The following RHBDF2 variants were observed in gnomAD, a reference collection of about 807,000 sequenced individuals.
The protein encoded by RHBDF2 is rhomboid 5 homolog 2.
RHBDF2 carries 38 observed loss-of-function variants against 95.2 expected under a neutral mutation model. The ratio of observed to expected loss-of-function variants is 0.40; its 90% CI spans 0.31 to 0.52. The LOEUF (loss-of-function observed/expected upper bound fraction) is 0.52, where lower values mean the gene tolerates loss of function less well. RHBDF2 is among the 20% of genes least tolerant of loss of function. RHBDF2 has a pLI of 0.56. For synonymous variants in RHBDF2, 442 were observed against 462.0 expected (o/e 0.96, Z 0.55); for missense variants, 863 against 1,137.7 (o/e 0.76, Z 3.47).
chr17:76,473,616 G>T, intron 15 of RHBDF2, 32 bp downstream of exon 15: 1 of 1,559,094 alleles, frequency 6.4e-7, no homozygotes, highest in Non-Finnish European at 8.7e-7. Context: ...GGGGGCAGTG[G>T]GATGGCTGAG....
intron 11 of RHBDF2, 60 bp from the exon 12 acceptor site, chr17:76,474,594 A>G: frequency 6.2e-7 from 1 of 1,610,642 alleles, no homozygotes; most frequent in East Asian, 2.2e-5. Flanking sequence ...GGAGGGGTCC[A>G]TCACTCCACC....
rs1349661733 is a variant in RHBDF2, at chr17:76,471,610, G to A, written c.*23C>T. 1.3e-6 allele frequency: 2 copies of A among 1,561,746 alleles called. No individual in the cohort carries two copies. The stretch of plus-strand genomic sequence containing the variant: ...GCAGACCCTGTTCCAGCAGGGCTGA[G>A]GGGCAGCCGTGTGGCCCAGCGGTCA... On this transcript the variant is annotated 3_prime_UTR_variant, in exon 19 of 19. Coordinates refer to ENST00000675367, the MANE Select transcript of RHBDF2 (RefSeq NM_001005498.4).
At chr17:76,492,957 T>C (rs1338250542) in intron 1 of RHBDF2, 3 of 152,102 alleles carry the variant, frequency 2.0e-5, no homozygotes, top group East Asian at 3.9e-4. Flanking sequence ...GACCAGGAAG[T>C]TTAGGGGGCT....
chr17:76,498,709 G>A lies in RHBDF2; in HGVS notation c.-220+2644C>T, dbSNP rs115606989. On this transcript the variant is annotated intron_variant, in intron 1 of 18. Transcript: ENST00000675367. ...AGAGCAGGACTCGGGCCCCAAGTGC[G>A]TCACCCAAAGCATTTGTAGTGTGAT... is the stretch of plus-strand genomic sequence containing the variant. Among the ~76,000 whole-genome samples, 725 of 152,204 alleles carry A rather than the reference G, an allele frequency of 4.8e-3. 4 individuals are homozygous for A. Among genetic ancestry groups the A allele is most frequent in the African/African-American group, 0.014 (594 of 41,510 alleles).
At chr17:76,484,844 G>T (rs755475942) in intron 2 of RHBDF2, among the ~76,000 whole-genome samples, 1 of 152,174 alleles carries the variant, frequency 6.6e-6, no homozygotes, top group Non-Finnish European at 1.5e-5. Context: ...CAATGGAGCC[G>T]GCAGCGCATA....
rs2073548450 is a variant in RHBDF2, at chr17:76,471,255, T to A, written c.*378A>T. 1.3e-5 allele frequency: 3 copies of A among 225,826 alleles called. No homozygotes were observed. In the South Asian group the frequency reaches 2.4e-4, roughly 18 times the overall value. 14.0% of individuals were successfully genotyped at this position (225,826 alleles called of 1,614,324 possible). ...AGCCACGTCCCCAGCAAGGGCACGC[T>A]CCAGTAGTAGTGGGGGAGAAGGCAC... On this transcript the variant is annotated 3_prime_UTR_variant, in exon 19 of 19. Coordinates refer to ENST00000675367, the MANE Select transcript of RHBDF2 (RefSeq NM_001005498.4).
At position 76,479,097 on chromosome 17, in the gene RHBDF2, G is replaced by C; in HGVS notation, c.453C>G (p.Pro151=). Residue 151 remains proline, a synonymous_variant, in exon 5 of 19, where the codon CCC becomes CCG. Transcript: ENST00000675367. ...PSFQGTESPK[P]CKMPKIVDPL... ...TGGATCCCACCTTGGGCATCTTGCA[G>C]GGCTTTGGGGACTCAGTGCCCTGGA... The C allele has an allele frequency of 6.2e-7, 1 of 1,613,624 alleles. No homozygotes were observed. Among genetic ancestry groups the C allele is most frequent in the Non-Finnish European group, 8.5e-7 (1 of 1,179,928 alleles).
rs1265644523 is a variant in RHBDF2 at position 76,478,797 on chromosome 17, G to A, written c.672+9C>T. The A allele has an allele frequency of 2.5e-6, 4 of 1,607,620 alleles. No homozygotes were observed. The highest frequency in any genetic ancestry group is 3.4e-5 in the Admixed American group (2 of 59,390). ...AGAGGTGGGGGCCCTGCAGGAGGGA[G>A]CCCCGCACCTTGAGGAGGGCAGCGG... On this transcript the variant is annotated intron_variant, in intron 6 of 18. Coordinates refer to ENST00000675367, the MANE Select transcript of RHBDF2 (RefSeq NM_001005498.4).
chr17:76,477,594 G>T (rs1471219170), intron 7 of RHBDF2, 63 bp downstream of exon 7: 12 of 1,557,342 alleles, frequency 7.7e-6, no homozygotes, highest in Middle Eastern at 1.7e-4. Context: ...CAATGCCAAG[G>T]TCACCTCACC....
At chr17:76,478,485 TA>T (rs1450356150) in intron 6 of RHBDF2, among the ~76,000 whole-genome samples, 1 of 152,172 alleles carries the variant, frequency 6.6e-6, no homozygotes, top group Non-Finnish European at 1.5e-5. Flanking sequence ...GCCCAGCACG[TA>T]ACAGGGACTT....
In RHBDF2 at chr17:76,481,328, T is replaced by A. The variant is rs763480883; in HGVS notation, c.150+47A>T. The A allele has an allele frequency of 1.9e-6, 3 of 1,573,374 alleles. No homozygotes were observed. In the Admixed American group the frequency reaches 5.5e-5, roughly 29 times the overall value. ...GACCAGAAAGTGTCACGTGGGTACA[T>A]CTGTTACCTACGGCAGAACAGTGAG... On this transcript the variant is annotated intron_variant, in intron 3 of 18. Transcript: ENST00000675367.
chr17:76,474,008 G>A, intron 13 of RHBDF2, 25 bp downstream of exon 13: 1 of 1,605,464 alleles, frequency 6.2e-7, no homozygotes, highest in Non-Finnish European at 8.5e-7. Flanking sequence ...TGACCCTGAG[G>A]CCCAGCAGAG....
Position 76,479,171 on chromosome 17 carries a change from C to G in RHBDF2, c.379G>C (p.Ala127Pro), listed in dbSNP as rs1169512283. ...AGCTCCAGGTCACGCTGGCACGAGG[C>G]CTTCAGGCGGCCGTAGCGCATGCTG... ...HCSMRYGRLKASCQRDLELPS... is the reference protein window; with the variant it reads ...HCSMRYGRLKPSCQRDLELPS... Residue 127 changes from alanine to proline, a missense_variant, in exon 5 of 19, where the codon GCC (alanine) becomes CCC (proline). Physicochemically the swap from Ala to Pro is conservative, Grantham distance 27 (BLOSUM62 -1). Coordinates refer to ENST00000675367, the MANE Select transcript of RHBDF2 (RefSeq NM_001005498.4). The G allele has an allele frequency of 2.5e-6, 4 of 1,612,500 alleles. No individual in the cohort carries two copies. Among genetic ancestry groups the G allele is most frequent in the African/African-American group, 1.3e-5 (1 of 74,934 alleles).
chr17:76,499,277 G>C lies in RHBDF2; in HGVS notation c.-220+2076C>G, dbSNP rs537980535. On this transcript the variant is annotated intron_variant, in intron 1 of 18. Transcript: ENST00000675367. ...CAGAAGTGAACAGGATGGGTATAAT[G>C]GCTACTGCAAGAAAACAGGGAGGGA... is the stretch of plus-strand genomic sequence containing the variant. 8.5e-5 allele frequency among the ~76,000 whole-genome samples: 13 copies of C among 152,334 alleles called. No homozygotes were observed. In the South Asian group the frequency reaches 2.7e-3, roughly 32 times the overall value.
At chr17:76,488,597 C>A (rs2074208974) in intron 1 of RHBDF2, among the ~76,000 whole-genome samples, 1 of 152,164 alleles carries the variant, frequency 6.6e-6, no homozygotes, top group South Asian at 2.1e-4. Context: ...ATCATGAGGT[C>A]AAGAGTTCGA....
intron 1 of RHBDF2, among the ~76,000 whole-genome samples, chr17:76,497,977 T>C (rs1291844788): frequency 1.3e-5 from 2 of 152,222 alleles, no homozygotes; most frequent in African/African-American, 4.8e-5. Flanking sequence ...GGGCTGGAAC[T>C]GCCTTCCAGT....
intron 1 of RHBDF2, among the ~76,000 whole-genome samples, chr17:76,492,768 G>A (rs1217431292): frequency 6.6e-6 from 1 of 152,252 alleles, no homozygotes; most frequent in Non-Finnish European, 1.5e-5. Flanking sequence ...GCAGGGCAGG[G>A]AGAGCGTGAC....
intron 16 of RHBDF2, 28 bp downstream of exon 16, chr17:76,473,224 C>T: frequency 1.2e-6 from 2 of 1,607,586 alleles, no homozygotes; most frequent in African/African-American, 1.3e-5. Context: ...GTCCTCTCCT[C>T]CACTACTCCA....
rs777374896 is a variant in RHBDF2, at chr17:76,478,838, T to C, written c.640A>G (p.Met214Val). ...AGGGCAGCGGCAGCTTGCAAGCTCA[T>C]GTGGGCCACAGACATTCTCTTGCGG... The part of the protein sequence containing the change: ...PRRKRMSVAH[M>V]SLQAAAALLK... Residue 214 changes from methionine to valine, a missense_variant, in exon 6 of 19, where the codon ATG (methionine) becomes GTG (valine). Physicochemically the swap from Met to Val is conservative, Grantham distance 21. Around this residue, in one of 2 missense-constraint regions of RHBDF2, gnomAD observed 611 missense variants for 725.5 expected, o/e 0.84. Coordinates refer to ENST00000675367, the MANE Select transcript of RHBDF2 (RefSeq NM_001005498.4). The C allele has an allele frequency of 1.1e-5, 17 of 1,613,272 alleles. No individual in the cohort carries two copies. In the South Asian group the frequency reaches 1.5e-4, roughly 15 times the overall value.
Sources: gnomAD v4.1 joint callset for allele counts (sites outside exome capture counted in the v4.1 genomes callset) on GRCh38, gnomAD v4.1.1 for gene constraint, gnomAD v4.1.1 regional missense constraint, MANE v1.5 for transcripts, NCBI Gene and HGNC (gene_info 2026-07-23, HGNC 2026-07-21) for gene names.